RNF14: variants seen among roughly 807,000 people sequenced by gnomAD.
The protein encoded by RNF14 is E3 ubiquitin-protein ligase RNF14.
RNF14 carries 26 observed loss-of-function variants against 52.6 expected under a neutral mutation model. That is an observed-to-expected ratio of 0.49 (90% CI 0.36 to 0.69). The LOEUF (loss-of-function observed/expected upper bound fraction) is 0.69, where lower values mean the gene tolerates loss of function less well. Ranked by LOEUF, RNF14 falls within the 30% of genes least tolerant of loss-of-function variation. The pLI is 0.00. For missense variants in RNF14, 404 were observed against 560.4 expected (o/e 0.72, Z 2.82); for synonymous variants, 194 against 202.0 (o/e 0.96, Z 0.34).
upstream of RNF14, among the ~76,000 whole-genome samples, chr5:141,966,540 C>T (rs1185665777): frequency 6.6e-6 from 1 of 152,102 alleles, no homozygotes; most frequent in African/African-American, 2.4e-5. Context: ...ATATTTAGCA[C>T]AGTGGAGGGC....
chr5:141,953,729 G>C (rs1298879074), upstream of RNF14, among the ~76,000 whole-genome samples: 2 of 152,242 alleles, frequency 1.3e-5, no homozygotes, highest in East Asian at 3.8e-4. Context: ...TGAATGGAAG[G>C]ATAAATGAAT....
upstream of RNF14, among the ~76,000 whole-genome samples, chr5:141,964,546 C>T (rs761738268): frequency 3.3e-5 from 5 of 152,108 alleles, no homozygotes; most frequent in Non-Finnish European, 5.9e-5. Context: ...GCACTTTAAG[C>T]GTTATTTATA....
chr5:141,983,619 C>A, intron 7 of RNF14, 67 bp downstream of exon 7: 2 of 1,353,118 alleles, frequency 1.5e-6, no homozygotes, highest in Non-Finnish European at 2.0e-6. Flanking sequence ...CCTTAAGAAG[C>A]CTTACTAGTC....
Position 141,973,690 on chromosome 5 carries a change from A to T in RNF14, c.102A>T (p.Gly34=). ...GAAAAGCAGAGTCTGTCCAAGGTGGAGAAACCAGGATCTATTTGGATTTGC... is the reference window on the plus strand; with the variant it reads ...GAAAAGCAGAGTCTGTCCAAGGTGGTGAAACCAGGATCTATTTGGATTTGC... ...EFRKAESVQG[G]ETRIYLDLPQ... The change falls in exon 3 of 9, where the codon GGA becomes GGT. Residue 34 remains glycine, a synonymous_variant. Transcript: ENST00000394520. The T allele has an allele frequency of 6.2e-7, 1 of 1,613,346 alleles. No homozygotes were observed. Among genetic ancestry groups the T allele is most frequent in the Non-Finnish European group, 8.5e-7 (1 of 1,179,704 alleles).
At chr5:141,955,423 G>A (rs368550046), upstream of RNF14, 26 of 1,614,024 alleles carry the variant, frequency 1.6e-5, no homozygotes, top group African/African-American at 3.1e-4. The surrounding 1 kb of genome is among the most constrained non-coding windows in gnomAD (Gnocchi z 5.5). Context: ...CTGCAGGCAG[G>A]GGTCCCAGCC....
intron 6 of RNF14, chr5:141,982,707 G>A (rs252096): frequency 0.88 from 134,484 of 151,964 alleles, 59,783 homozygotes; most frequent in East Asian, 0.98. Context: ...AGCATAGTAC[G>A]GGGTGAGACT....
At chr5:141,961,641 G>T (rs2126936315) in intron 1 of RNF14, among the ~76,000 whole-genome samples, 1 of 152,164 alleles carries the variant, frequency 6.6e-6, no homozygotes, top group South Asian at 2.1e-4. Context: ...TTTTTTAAAA[G>T]GGCAGGATTA....
upstream of RNF14, chr5:141,954,919 G>T: frequency 6.4e-7 from 1 of 1,553,080 alleles, no homozygotes; most frequent in Non-Finnish European, 8.7e-7. Flanking sequence ...GTCTGATTCT[G>T]TTTCTGGTGG....
At chr5:141,955,345 G>A (rs1255807065), upstream of RNF14, 4 of 1,614,030 alleles carry the variant, frequency 2.5e-6, no homozygotes, top group African/African-American at 1.3e-5. The surrounding 1 kb of genome is among the most constrained non-coding windows in gnomAD (Gnocchi z 5.5). Context: ...TCGGCTCTCC[G>A]CCGGTGCTCC....
chr5:141,955,447 G>GCCTCCTTGT, upstream of RNF14: 1 of 1,613,960 alleles, frequency 6.2e-7, no homozygotes, highest in Non-Finnish European at 8.5e-7. This position sits in a 1 kb window ranked among gnomAD's most constrained non-coding sequence, Gnocchi z 5.5. Flanking sequence ...TTCCATCATC[G>GCCTCCTTGT]CCTCCTTGTC....
chr5:141,955,431 G>A, upstream of RNF14: 1 of 1,614,052 alleles, frequency 6.2e-7, no homozygotes, highest in Non-Finnish European at 8.5e-7. This position sits in a 1 kb window ranked among gnomAD's most constrained non-coding sequence, Gnocchi z 5.5. Flanking sequence ...AGGGGTCCCA[G>A]CCTGCTTCCA....
At chr5:141,965,177 G>C (rs1295152801), upstream of RNF14, among the ~76,000 whole-genome samples, 1 of 152,178 alleles carries the variant, frequency 6.6e-6, no homozygotes, top group African/African-American at 2.4e-5. Flanking sequence ...TGGTGGCCAT[G>C]GAAAAGGAGG....
At chr5:141,957,030 G>T (rs754786805), upstream of RNF14, 1 of 1,614,180 alleles carries the variant, frequency 6.2e-7, no homozygotes, top group Non-Finnish European at 8.5e-7. The surrounding 1 kb of genome is among the most constrained non-coding windows in gnomAD (Gnocchi z 4.3). Flanking sequence ...CCCCATTGGG[G>T]CCTTGGTCAG....
At chr5:141,959,073 C>G (rs550866562) in intron 1 of RNF14, 1 of 152,624 alleles carries the variant, frequency 6.6e-6, no homozygotes, top group African/African-American at 2.4e-5. Flanking sequence ...TTCTGCCCCC[C>G]TCCAGCCTTG....
intron 6 of RNF14, among the ~76,000 whole-genome samples, chr5:141,980,583 A>G (rs1020962645): frequency 2.6e-5 from 4 of 152,190 alleles, no homozygotes; most frequent in Non-Finnish European, 4.4e-5. Context: ...CAAAATAAGG[A>G]TATTAGGTGG....
chr5:141,975,382 C>A (rs891934376), intron 4 of RNF14, among the ~76,000 whole-genome samples: 6 of 152,118 alleles, frequency 3.9e-5, no homozygotes, highest in Admixed American at 2.6e-4. Flanking sequence ...TTATAATAAG[C>A]AAATTTTCTG....
upstream of RNF14, chr5:141,955,642 A>G (rs1274253103): frequency 1.2e-6 from 2 of 1,614,168 alleles, no homozygotes; most frequent in East Asian, 2.2e-5. This position sits in a 1 kb window ranked among gnomAD's most constrained non-coding sequence, Gnocchi z 5.5. Context: ...GCAGATGGAC[A>G]TGAACAAAGC....
Position 141,974,805 on chromosome 5 carries a change from C to A in RNF14, c.156C>A (p.Gly52=), listed in dbSNP as rs1261394639. The A allele has an allele frequency of 6.2e-7, 1 of 1,613,748 alleles. No homozygotes were observed. Among genetic ancestry groups the A allele is most frequent in the Non-Finnish European group, 8.5e-7 (1 of 1,179,782 alleles). Residue 52 remains glycine (G), a splice_region_variant and synonymous_variant, in exon 4 of 9, where the codon GGC becomes GGA. Transcript: ENST00000394520. ...TTCTAATCTTTGTTTTTGGTTCAGG[C>A]AATTCAAATGAGTGTCTCCAGAATA... ...LPQNFKIFVS[G]NSNECLQNSG...
At chr5:141,955,988 C>T, upstream of RNF14, 1 of 1,614,162 alleles carries the variant, frequency 6.2e-7, no homozygotes, top group Non-Finnish European at 8.5e-7. The surrounding 1 kb of genome is among the most constrained non-coding windows in gnomAD (Gnocchi z 5.5). Flanking sequence ...TCTCTTGCCA[C>T]AATGGTTGTC....
Sources: allele counts gnomAD v4.1 joint callset (sites outside exome capture counted in the v4.1 genomes callset), GRCh38; gene constraint gnomAD v4.1.1; non-coding constraint Gnocchi (gnomAD v3.1); transcripts MANE v1.5; gene names NCBI Gene and HGNC (gene_info 2026-07-23, HGNC 2026-07-21).